Variants in CHN1 observed in about 807,000 individuals in gnomAD.
CHN1 encodes the protein N-chimaerin.
A neutral mutation model predicts 59.5 loss-of-function variants in CHN1; 37 were observed. The ratio of observed to expected loss-of-function variants is 0.62; its 90% CI spans 0.48 to 0.82. The LOEUF is 0.82. CHN1 is among the 40% of genes least tolerant of loss of function. The pLI is 0.00. For missense variants in CHN1, 469 were observed against 571.0 expected (o/e 0.82, Z 1.82); for synonymous variants, 206 against 200.4 (o/e 1.03, Z -0.24).
chr2:174,820,811 C>T (rs562673663), intron 8 of CHN1, among the ~76,000 whole-genome samples: 2 of 152,306 alleles, frequency 1.3e-5, no homozygotes, highest in South Asian at 2.1e-4. Flanking sequence ...GTGGTTGGAA[C>T]ATCACCCAAT....
At chr2:174,908,500 C>T (rs1558976986) in intron 5 of CHN1, among the ~76,000 whole-genome samples, 1 of 152,196 alleles carries the variant, frequency 6.6e-6, no homozygotes, top group African/African-American at 2.4e-5. Flanking sequence ...TCTCCTGGCA[C>T]ACTAAGTGCT....
intron 5 of CHN1, among the ~76,000 whole-genome samples, chr2:174,911,402 C>T (rs1446019409): frequency 6.6e-6 from 1 of 152,150 alleles, no homozygotes; most frequent in Non-Finnish European, 1.5e-5. Context: ...TGAGTCATAA[C>T]CAAGTGCCTG....
At chr2:174,844,032 A>G (rs1686411453) in intron 7 of CHN1, among the ~76,000 whole-genome samples, 1 of 151,972 alleles carries the variant, frequency 6.6e-6, no homozygotes, top group African/African-American at 2.4e-5. Context: ...TTAAAATAAG[A>G]GGTTGATCCA....
At chr2:174,836,780 C>G (rs1686096047) in intron 7 of CHN1, among the ~76,000 whole-genome samples, 1 of 152,226 alleles carries the variant, frequency 6.6e-6, no homozygotes, top group African/African-American at 2.4e-5. Flanking sequence ...CTTCTCCTGA[C>G]TGGAGCTACT....
chr2:174,838,251 G>A lies in CHN1; in HGVS notation c.627+8629C>T, dbSNP rs142182943. ...TGGGATTACAGGCATGCACCATCAC[G>A]CCCGGCTAATTTTGTATTTTTAGTA... On this transcript the variant is annotated intron_variant, in intron 7 of 12. Coordinates refer to ENST00000409900, the MANE Select transcript of CHN1 (RefSeq NM_001822.7). 7.7e-3 allele frequency among the ~76,000 whole-genome samples: 1,177 copies of A among 152,072 alleles called. 7 individuals carry two copies. Among genetic ancestry groups the A allele is most frequent in the African/African-American group, 0.027 (1,101 of 41,496 alleles).
At chr2:174,995,957 TTTA>T (rs1691692965) in intron 1 of CHN1, among the ~76,000 whole-genome samples, 1 of 152,186 alleles carries the variant, frequency 6.6e-6, no homozygotes, top group African/African-American at 2.4e-5. Context: ...ATTGTTCTAT[TTTA>T]TTATTAGTTA....
chr2:174,817,548 C>G (rs377675219), intron 8 of CHN1, among the ~76,000 whole-genome samples: 2 of 151,272 alleles, frequency 1.3e-5, no homozygotes, highest in East Asian at 3.9e-4. Flanking sequence ...ACTGCAACCT[C>G]TGCCTCCCAG....
At chr2:174,981,713 T>C (rs533821885) in intron 1 of CHN1, among the ~76,000 whole-genome samples, 3 of 152,304 alleles carry the variant, frequency 2.0e-5, no homozygotes, top group African/African-American at 4.8e-5. Context: ...TAGGAAGCAA[T>C]TGTAAATATT....
intron 5 of CHN1, among the ~76,000 whole-genome samples, chr2:174,887,453 G>A (rs1687926574): frequency 6.6e-6 from 1 of 152,080 alleles, no homozygotes; most frequent in Non-Finnish European, 1.5e-5. Context: ...CACTATGTAT[G>A]TATTAACTCA....
chr2:174,865,166 A>C (rs1384747560), intron 6 of CHN1, among the ~76,000 whole-genome samples: 2 of 152,232 alleles, frequency 1.3e-5, no homozygotes, highest in African/African-American at 4.8e-5. Context: ...TCGTTCCTTC[A>C]GCATTTGGTA....
intron 5 of CHN1, among the ~76,000 whole-genome samples, chr2:174,892,114 C>T (rs1451712013): frequency 6.6e-6 from 1 of 152,090 alleles, no homozygotes; most frequent in Non-Finnish European, 1.5e-5. Context: ...CAACAGCTTC[C>T]CAATAAAGAA....
intron 3 of CHN1, among the ~76,000 whole-genome samples, chr2:174,942,984 G>A (rs189015970): frequency 6.4e-4 from 98 of 152,024 alleles, no homozygotes; most frequent in Non-Finnish European, 7.2e-4. Flanking sequence ...TCAGGAGGTT[G>A]AGGCTGCAGT....
intron 8 of CHN1, among the ~76,000 whole-genome samples, chr2:174,818,018 C>G (rs991375995): frequency 1.3e-5 from 2 of 152,156 alleles, no homozygotes; most frequent in Admixed American, 6.5e-5. Flanking sequence ...GATGGTCCAC[C>G]TGTCTTGGCC....
intron 11 of CHN1, among the ~76,000 whole-genome samples, chr2:174,807,446 C>T (rs868140213): frequency 1.2e-5 from 1 of 83,774 alleles, no homozygotes; most frequent in Non-Finnish European, 2.4e-5. Context: ...CACGGGCTAT[C>T]TGTGTGTGTG....
At chr2:174,885,001 A>T (rs1258578713) in intron 5 of CHN1, among the ~76,000 whole-genome samples, 4 of 151,994 alleles carry the variant, frequency 2.6e-5, no homozygotes, top group African/African-American at 9.7e-5. Context: ...AAATACACAG[A>T]AATTAGCCGG....
At chr2:174,933,789 T>G (rs1689420260) in intron 3 of CHN1, among the ~76,000 whole-genome samples, 2 of 152,188 alleles carry the variant, frequency 1.3e-5, no homozygotes, top group Admixed American at 1.3e-4. Flanking sequence ...GATTATGTCC[T>G]TAAGCAGATA....
rs1386000340 is a variant in CHN1 at position 174,973,278 on chromosome 2, C to T, written c.20-21076G>A. Among the ~76,000 whole-genome samples the T allele has an allele frequency of 3.3e-5, 5 of 152,272 alleles. No homozygotes were observed. The East Asian group carries it at 9.6e-4, about 29-fold the overall frequency. On this transcript the variant is annotated intron_variant, in intron 1 of 12. Transcript: ENST00000409900. ...CTATCATGACAACATTTTGCCAGAT[C>T]ATGAAACAGAAAACATACATAATAA...
At chr2:174,974,943 A>G (rs1237147510) in intron 1 of CHN1, among the ~76,000 whole-genome samples, 2 of 151,436 alleles carry the variant, frequency 1.3e-5, no homozygotes, top group African/African-American at 4.9e-5. Context: ...ACACAGAACA[A>G]ATCGACACAA....
At chr2:174,895,215 C>CATAT (rs577610982) in intron 5 of CHN1, among the ~76,000 whole-genome samples, 1 of 129,764 alleles carries the variant, frequency 7.7e-6, no homozygotes, top group Non-Finnish European at 1.6e-5. Context: ...TATATATATA[C>CATAT]ACACACACAC....
Sources: gnomAD v4.1 joint callset for allele counts (sites outside exome capture counted in the v4.1 genomes callset) on GRCh38, gnomAD v4.1.1 for gene constraint, MANE v1.5 for transcripts, NCBI Gene and HGNC (gene_info 2026-07-23, HGNC 2026-07-21) for gene names.